TCF4: variants seen among roughly 807,000 people sequenced by gnomAD.
TCF4 encodes the protein transcription factor 4.
A neutral mutation model predicts 82.1 loss-of-function variants in TCF4; 3 were observed. The observed-to-expected ratio is 0.04, with a 90% CI of 0.02 to 0.09. The LOEUF is 0.09. Ranked by LOEUF, TCF4 falls within the 10% of genes least tolerant of loss-of-function variation. TCF4 has a pLI of 1.00. For missense variants in TCF4, 518 were observed against 852.7 expected, an observed-to-expected ratio of 0.61 and a Z score of 4.89; for synonymous variants, 276 against 309.6, an observed-to-expected ratio of 0.89 and a Z score of 1.14.
At position 55,327,293 on chromosome 18, in the gene TCF4, T is replaced by C. The variant is rs542232582; in HGVS notation, c.549+23066A>G. ...AATATACTTATCTGAAGTAAATCCATATTACACCAAGAAGTCAGATAAAGC... is the reference window on the plus strand; with the variant it reads ...AATATACTTATCTGAAGTAAATCCACATTACACCAAGAAGTCAGATAAAGC... On this transcript the variant is annotated intron_variant, in intron 8 of 19. Transcript: ENST00000354452. Among the ~76,000 whole-genome samples the C allele has an allele frequency of 3.3e-5, 5 of 152,038 alleles. No individual in the cohort carries two copies. The South Asian group carries it at 6.2e-4, about 19-fold the overall frequency.
chr18:55,351,234 A>G (rs886572187), intron 6 of TCF4: 2 of 503,994 alleles, frequency 4.0e-6, no homozygotes, highest in African/African-American at 1.9e-5. Context: ...TTCCCTTTAA[A>G]CAATATTTTT....
chr18:55,260,179 A>C lies in TCF4; in HGVS notation c.991-152T>G, dbSNP rs947228347. ...ACTACAGTACCAAAATTGTCAAATG[A>C]AGAACTTAACAATTATTTTAATTTT... is the stretch of plus-strand genomic sequence containing the variant. On this transcript the variant is annotated intron_variant, in intron 12 of 19. Transcript: ENST00000354452. 8.9e-6 allele frequency: 6 copies of C among 670,416 alleles called. No individual in the cohort carries two copies. The African/African-American group carries it at 1.1e-4, about 12-fold the overall frequency. 41.5% of individuals were successfully genotyped at this position (670,416 alleles called of 1,614,324 possible).
At position 55,228,878 on chromosome 18, in the gene TCF4, G is replaced by T. The variant is rs759645955; in HGVS notation, c.1848C>A (p.Ala616=). The change falls in exon 18 of 20, where the codon GCC becomes GCA. Residue 616 remains alanine (A), a synonymous_variant. Transcript: ENST00000354452. ...TKLLILHQAV[A]VILSLEQQVR... is the part of the protein sequence containing the mutation. ...CTTGCTGCTCCAGACTGAGGATGAC[G>T]GCCACCGCCTGGTGGAGGATCAGGA... The T allele has an allele frequency of 1.6e-5, 26 of 1,614,010 alleles. 1 individual carries two copies. In the South Asian group the frequency reaches 2.6e-4, roughly 16 times the overall value.
intron 8 of TCF4, among the ~76,000 whole-genome samples, chr18:55,287,423 G>A (rs1440883712): frequency 2.6e-5 from 4 of 152,192 alleles, no homozygotes; most frequent in Non-Finnish European, 4.4e-5. Context: ...GCCAAGAGGC[G>A]TTTTCCCCTT....
intron 6 of TCF4, among the ~76,000 whole-genome samples, chr18:55,379,334 T>C (rs74854477): frequency 7.9e-5 from 12 of 152,322 alleles, no homozygotes; most frequent in African/African-American, 2.4e-4. Flanking sequence ...AGGTTGTACA[T>C]TGGACAATGT....
chr18:55,230,412 A>T (rs1194450789), intron 17 of TCF4: 1 of 152,260 alleles, frequency 6.6e-6, no homozygotes, highest in Non-Finnish European at 1.5e-5. Context: ...CATGTAAAAA[A>T]GAGAAGTGTG....
At chr18:55,465,103 T>C (rs1190191813) in intron 3 of TCF4, among the ~76,000 whole-genome samples, 3 of 152,214 alleles carry the variant, frequency 2.0e-5, no homozygotes, top group African/African-American at 7.2e-5. Context: ...ACTGTTATAT[T>C]ATTTTGATCA....
intron 3 of TCF4, among the ~76,000 whole-genome samples, chr18:55,511,265 AT>A (rs1384383613): frequency 6.6e-6 from 1 of 151,886 alleles, no homozygotes; most frequent in African/African-American, 2.4e-5. Context: ...GAATATGTTA[AT>A]AAAATCCTAG....
At chr18:55,457,258 G>T (rs543035471) in intron 5 of TCF4, among the ~76,000 whole-genome samples, 2 of 152,258 alleles carry the variant, frequency 1.3e-5, no homozygotes, top group South Asian at 4.1e-4. Context: ...CTAAAACCCT[G>T]TATGACAACT....
chr18:55,588,037 C>T lies in TCF4; in HGVS notation c.-21+1G>A. Reference sequence around the variant, plus strand: ...CGAGCCCCGCAGGCGCCGGTACCTACCGCCCGCGCGCGAGAAGGGGCTCTC... The same window carrying T: ...CGAGCCCCGCAGGCGCCGGTACCTATCGCCCGCGCGCGAGAAGGGGCTCTC... On this transcript the variant is annotated splice_donor_variant, in intron 1 of 19. Coordinates refer to ENST00000354452, the MANE Select transcript of TCF4 (RefSeq NM_001083962.2). LOFTEE classifies it low-confidence loss of function (5UTR_SPLICE). The T allele has an allele frequency of 2.0e-6, 2 of 982,808 alleles. No individual in the cohort carries two copies. The highest frequency in any genetic ancestry group is 2.4e-6 in the Non-Finnish European group (2 of 828,948). 60.9% of individuals were successfully genotyped at this position (982,808 alleles called of 1,614,324 possible).
intron 1 of TCF4, chr18:55,631,415 C>G: frequency 6.5e-7 from 1 of 1,541,828 alleles, no homozygotes. Flanking sequence ...AGATGGTGGA[C>G]ATGTTAGAAT....
chr18:55,367,958 ACT>A, intron 6 of TCF4, among the ~76,000 whole-genome samples: 3 of 152,332 alleles, frequency 2.0e-5, no homozygotes, highest in Admixed American at 2.0e-4. Flanking sequence ...ACAATGTAAA[ACT>A]CTGTATTAGG....
At chr18:55,417,677 TTAAAAC>T (rs2094569664) in intron 5 of TCF4, among the ~76,000 whole-genome samples, 1 of 152,144 alleles carries the variant, frequency 6.6e-6, no homozygotes, top group East Asian at 1.9e-4. Flanking sequence ...ACTCTGATGA[TTAAAAC>T]TAAGTTGCCT....
At chr18:55,551,540 C>T (rs2097260553) in intron 3 of TCF4, 1 of 152,638 alleles carries the variant, frequency 6.6e-6, no homozygotes, top group African/African-American at 2.4e-5. Context: ...TCAGCACCAC[C>T]CAGGACTCCT....
rs181144083 is a variant in TCF4, at chr18:55,608,554, T to G, written c.287-21418A>C. ...AAGAGATGAGCACATTTATTTTTGG[T>G]TCCACAAAATTCTGCTTTGTGACTT... On this transcript the variant is annotated intron_variant, in intron 2 of 20. Coordinates refer to the TCF4 transcript ENST00000398339. Among the ~76,000 whole-genome samples, 113 of 152,224 alleles carry G rather than the reference T, an allele frequency of 7.4e-4. 1 individual carries two copies. The highest frequency in any genetic ancestry group is 1.2e-3 in the South Asian group (6 of 4,816).
chr18:55,591,959 C>G (rs1044156667), upstream of TCF4, among the ~76,000 whole-genome samples: 6 of 152,036 alleles, frequency 3.9e-5, no homozygotes, highest in African/African-American at 1.2e-4. Context: ...AGGGAACAAC[C>G]CTTCGTATTT....
intron 8 of TCF4, among the ~76,000 whole-genome samples, chr18:55,344,058 T>C (rs1037371980): frequency 4.6e-5 from 7 of 152,168 alleles, no homozygotes; most frequent in Non-Finnish European, 1.0e-4. Context: ...AAATACAACT[T>C]TGACAATTCT....
intron 3 of TCF4, among the ~76,000 whole-genome samples, chr18:55,549,671 A>C (rs571148423): frequency 2.6e-5 from 4 of 152,274 alleles, no homozygotes; most frequent in African/African-American, 9.6e-5. Flanking sequence ...TCCTATGATA[A>C]CAAAGCCTTC....
At chr18:55,592,521 A>G (rs2097686685), upstream of TCF4, among the ~76,000 whole-genome samples, 1 of 152,120 alleles carries the variant, frequency 6.6e-6, no homozygotes, top group Non-Finnish European at 1.5e-5. Context: ...GTTATCTCCC[A>G]AAGACCCCAC....
Sources: allele counts gnomAD v4.1 joint callset (sites outside exome capture counted in the v4.1 genomes callset), GRCh38; gene constraint gnomAD v4.1.1; transcripts MANE v1.5; gene names NCBI Gene and HGNC (gene_info 2026-07-23, HGNC 2026-07-21).